Variants in MYH2 observed in about 807,000 individuals in gnomAD.
MYH2 encodes the protein myosin heavy chain 2, also known as myosin-2.
A neutral mutation model predicts 228.1 loss-of-function variants in MYH2; 139 were observed. The ratio of observed to expected loss-of-function variants is 0.61; its 90% confidence interval spans 0.53 to 0.70. The LOEUF is 0.70. MYH2 is among the 30% of genes least tolerant of loss of function. The pLI is 0.00. For synonymous variants in MYH2, 796 were observed against 871.1 expected (o/e 0.91, Z 1.52); for missense variants, 1,809 against 2,357.5 (o/e 0.77, Z 4.82).
chr17:10,533,374 A>G lies in MYH2; in HGVS notation c.2352T>C (p.Asp784=), dbSNP rs1440615223. The G allele has an allele frequency of 3.7e-6, 6 of 1,614,048 alleles. No individual in the cohort carries two copies. The South Asian group carries it at 4.4e-5, about 12-fold the overall frequency. Residue 784 remains aspartate (D), a synonymous_variant, in exon 21 of 40, where the codon GAT becomes GAC. Coordinates refer to ENST00000245503, the MANE Select transcript of MYH2 (RefSeq NM_017534.6). ...GLLGLLEEMR[D]DKLAQLITRT... Reference sequence around the variant, plus strand: ...GGGTAATCAGCTGGGCCAGCTTGTCATCTCGCATCTCCTCTAGGAGCCCCA... The same window carrying G: ...GGGTAATCAGCTGGGCCAGCTTGTCGTCTCGCATCTCCTCTAGGAGCCCCA...
intron 27 of MYH2, among the ~76,000 whole-genome samples, chr17:10,528,284 C>T (rs1157146273): frequency 6.6e-6 from 1 of 152,074 alleles, no homozygotes; most frequent in Admixed American, 6.5e-5. Context: ...AGGTTATATT[C>T]TAATTTTAAG....
intron 30 of MYH2, 144 bp from the exon 31 acceptor site, chr17:10,526,020 CT>C: frequency 1.0e-6 from 1 of 966,392 alleles, no homozygotes; most frequent in Non-Finnish European, 1.5e-6. Context: ...TGATGAGCCC[CT>C]TTTATGAACC....
rs747370592 is a variant in MYH2, at chr17:10,540,081, A to G, written c.1009-15T>C. ...TCAATAGCACTCTGTCAATATAACC[A>G]ATAGGATAGCTGTTAGGTTGTGATC... On this transcript the variant is annotated splice_polypyrimidine_tract_variant and intron_variant, in intron 11 of 39. Transcript: ENST00000245503. The G allele has an allele frequency of 6.2e-7, 1 of 1,613,760 alleles. No individual in the cohort carries two copies. Among genetic ancestry groups the G allele is most frequent in the African/African-American group, 1.3e-5 (1 of 74,852 alleles).
rs1425040044 is a variant in MYH2 at position 10,543,745 on chromosome 17, G to C, written c.707C>G (p.Ala236Gly). ...ANPLLEAFGN[A>G]KTVRNDNSSR... is the part of the protein sequence containing the mutation. The stretch of plus-strand genomic sequence containing the variant: ...GGAGTTGTCATTCCTCACGGTCTTG[G>C]CGTTGCCAAAGGCCTCCAGTAGGGG... The change falls in exon 8 of 40, where the codon GCC becomes GGC. Residue 236 changes from alanine (A) to glycine (G), a missense_variant. Around this residue, in one of 9 missense-constraint regions of MYH2, gnomAD observed 373 missense variants for 620.4 expected, o/e 0.60. Transcript: ENST00000245503. 6.2e-7 allele frequency: 1 copy of C among 1,614,178 alleles called. No individual in the cohort carries two copies.
rs774544504 is a variant in MYH2, at chr17:10,542,901, G to A, written c.878C>T (p.Thr293Ile). ...ERSYHIFYQI[T>I]SNKKPELIEM... ...AATAAGTTCTGGTTTCTTATTCGAT[G>A]TAATCTGGTAAAAAATATGATAACT... Residue 293 changes from threonine to isoleucine, a missense_variant, in exon 10 of 40, where the codon ACA becomes ATA. Transcript: ENST00000245503. The A allele has an allele frequency of 4.7e-5, 76 of 1,609,334 alleles. 1 individual carries two copies. In the African/African-American group the frequency reaches 8.8e-4, roughly 19 times the overall value.
At position 10,527,886 on chromosome 17, in the gene MYH2, A is replaced by C. The variant is rs1407632642; in HGVS notation, c.3745-12T>G. 1 of 1,611,800 alleles carries C rather than the reference A, an allele frequency of 6.2e-7. No homozygotes were observed. Among genetic ancestry groups the C allele is most frequent in the African/African-American group, 1.3e-5 (1 of 74,930 alleles). ...TTCTCTAGGTTTCCCTATAGAAGAAAAAGTAAAAGAAGAAAACAGAGACCT... is the reference window on the plus strand; with the variant it reads ...TTCTCTAGGTTTCCCTATAGAAGAACAAGTAAAAGAAGAAAACAGAGACCT... On this transcript the variant is annotated splice_polypyrimidine_tract_variant and intron_variant, in intron 27 of 39. Coordinates refer to ENST00000245503, the MANE Select transcript of MYH2 (RefSeq NM_017534.6).
intron 30 of MYH2, 118 bp downstream of exon 30, chr17:10,526,481 G>C: frequency 6.7e-7 from 1 of 1,491,652 alleles, no homozygotes; most frequent in East Asian, 2.3e-5. Flanking sequence ...ATTGTGACTG[G>C]CACATAAAAG....
At chr17:10,545,534 G>A in intron 4 of MYH2, 32 bp from the exon 5 acceptor site, 1 of 1,611,990 alleles carries the variant, frequency 6.2e-7, no homozygotes, top group Non-Finnish European at 8.5e-7. Flanking sequence ...AGTACCCAAA[G>A]ACCTTTCCTG....
intron 22 of MYH2, among the ~76,000 whole-genome samples, chr17:10,530,484 T>C (rs1007134879): frequency 6.6e-6 from 1 of 151,462 alleles, no homozygotes; most frequent in Non-Finnish European, 1.5e-5. Context: ...AGCAGGAGGG[T>C]TGTGGGGAAG....
Position 10,529,378 on chromosome 17 carries a change from T to C in MYH2, c.3221A>G (p.Asp1074Gly), listed in dbSNP as rs1405978022. Residue 1074 changes from aspartate (D) to glycine (G), a missense_variant, in exon 25 of 40, where the codon GAC becomes GGC. Physicochemically the swap from Asp to Gly is moderately conservative, Grantham distance 94. Transcript: ENST00000245503. Reference protein sequence around the residue: ...DLKLAQESIMDIENEKQQLDE... With the variant: ...DLKLAQESIMGIENEKQQLDE... ...AAGTTGCTGTTTCTCATTTTCAATGTCCATTATGGATTCTTGGGCCAACTT... is the reference window on the plus strand; with the variant it reads ...AAGTTGCTGTTTCTCATTTTCAATGCCCATTATGGATTCTTGGGCCAACTT... 3.7e-6 allele frequency: 6 copies of C among 1,614,020 alleles called. No individual in the cohort carries two copies.
rs746220087 is a variant in MYH2, at chr17:10,533,429, T to C, written c.2305-8A>G. 5.0e-6 allele frequency: 8 copies of C among 1,614,012 alleles called. No individual in the cohort carries two copies. In the South Asian group the frequency reaches 8.8e-5, roughly 18 times the overall value. On this transcript the variant is annotated splice_region_variant and splice_polypyrimidine_tract_variant and intron_variant, in intron 20 of 39. Transcript: ENST00000245503. Reference sequence around the variant, plus strand: ...ACCAGCTTTGAAAAAGACCTGTGAATGGAAAGAGTTGCAAATCACAAGCTT... The same window carrying C: ...ACCAGCTTTGAAAAAGACCTGTGAACGGAAAGAGTTGCAAATCACAAGCTT...
At position 10,547,813 on chromosome 17, in the gene MYH2, T is replaced by C. The variant is rs1342287386; in HGVS notation, c.108A>G (p.Thr36=). Reference sequence around the variant, plus strand: ...CTTTGGGCTCCGCCACAAAGACAGATGTTTTGGCATCAAAGGGCCTATTCT... The same window carrying C: ...CTTTGGGCTCCGCCACAAAGACAGACGTTTTGGCATCAAAGGGCCTATTCT... The part of the protein sequence containing the change: ...EAQNRPFDAK[T]SVFVAEPKES... Residue 36 remains threonine (T), a synonymous_variant, in exon 3 of 40, where the codon ACA becomes ACG. Transcript: ENST00000245503. 1 of 1,614,160 alleles carries C rather than the reference T, an allele frequency of 6.2e-7. No homozygotes were observed. Among genetic ancestry groups the C allele is most frequent in the Non-Finnish European group, 8.5e-7 (1 of 1,180,040 alleles).
At chr17:10,544,869 T>C (rs978033191) in intron 5 of MYH2, among the ~76,000 whole-genome samples, 4 of 152,146 alleles carry the variant, frequency 2.6e-5, no homozygotes, top group African/African-American at 7.2e-5. Flanking sequence ...GGCGATAGCA[T>C]TGTGCCGTCC....
intron 9 of MYH2, 55 bp downstream of exon 9, chr17:10,543,043 C>A: frequency 6.3e-7 from 1 of 1,591,388 alleles, no homozygotes; most frequent in South Asian, 1.1e-5. Flanking sequence ...GATTTTTGGT[C>A]AGTTTTTTAG....
At position 10,537,968 on chromosome 17, in the gene MYH2, A is replaced by G; in HGVS notation, c.1417-133T>C. 1 of 1,480,676 alleles carries G rather than the reference A, an allele frequency of 6.8e-7. No individual in the cohort carries two copies. Among genetic ancestry groups the G allele is most frequent in the Non-Finnish European group, 9.1e-7 (1 of 1,096,272 alleles). The allele number at this position is 1,480,676 out of a possible 1,614,324, so 91.7% of individuals were successfully genotyped here. On this transcript the variant is annotated intron_variant, in intron 14 of 39. Coordinates refer to ENST00000245503, the MANE Select transcript of MYH2 (RefSeq NM_017534.6). This position sits in a 1 kb window ranked among gnomAD's most constrained non-coding sequence, Gnocchi z 4.0. ...ATATTAAAATCACTGGGTTAAAGAG[A>G]CTTTGAAATAAAAGGTGAAAAGTAT...
Position 10,526,699 on chromosome 17 carries a change from G to A in MYH2, c.4087C>T (p.Leu1363=). The A allele has an allele frequency of 1.9e-6, 3 of 1,614,150 alleles. No homozygotes were observed. The South Asian group carries it at 3.3e-5, about 18-fold the overall frequency. Residue 1363 remains leucine, a synonymous_variant, in exon 30 of 40, where the codon CTG becomes TTG. Transcript: ENST00000245503. ...YEEEQESKAE[L]QRALSKANTE... is the part of the protein sequence containing the mutation. ...TTGGCCTTGGACAGTGCTCTCTGCA[G>A]CTCGGCCTTGGATTCCTGCTCCTCC...
intron 19 of MYH2, 60 bp from the exon 20 acceptor site, chr17:10,533,692 A>G: frequency 6.4e-7 from 1 of 1,565,038 alleles, no homozygotes; most frequent in South Asian, 1.1e-5. Flanking sequence ...TGCTAGCTAA[A>G]CATTAAATGA....
At chr17:10,546,059 A>G (rs1357295086) in intron 4 of MYH2, among the ~76,000 whole-genome samples, 1 of 151,938 alleles carries the variant, frequency 6.6e-6, no homozygotes, top group Non-Finnish European at 1.5e-5. Flanking sequence ...CAGCATTAAG[A>G]TAATTCAAAT....
At chr17:10,540,127 T>C in intron 11 of MYH2, 61 bp from the exon 12 acceptor site, 1 of 1,605,630 alleles carries the variant, frequency 6.2e-7, no homozygotes, top group Non-Finnish European at 8.5e-7. Context: ...CTGTTAATAC[T>C]GCACATTCCC....
Sources: gnomAD v4.1 joint callset for allele counts (sites outside exome capture counted in the v4.1 genomes callset) on GRCh38, gnomAD v4.1.1 for gene constraint, gnomAD v4.1.1 regional missense constraint, Gnocchi (gnomAD v3.1) non-coding constraint, MANE v1.5 for transcripts, NCBI Gene and HGNC (gene_info 2026-07-23, HGNC 2026-07-21) for gene names.